FUCA1: variants seen among roughly 807,000 people sequenced by gnomAD.
FUCA1 encodes the protein tissue alpha-L-fucosidase.
In FUCA1, 52 loss-of-function variants were observed where a neutral mutation model predicts 56.8. The observed-to-expected ratio is 0.92, with a 90% CI of 0.73 to 1.15. The LOEUF is 1.15. Ranked by LOEUF, FUCA1 falls within the 50% of genes most tolerant of loss-of-function variation. The pLI is 0.00. For synonymous variants in FUCA1, 230 were observed against 226.6 expected, an observed-to-expected ratio of 1.02 and a Z score of -0.14; for missense variants, 568 against 592.6, an observed-to-expected ratio of 0.96 and a Z score of 0.43.
chr1:23,868,042 T>G lies in FUCA1; in HGVS notation c.245A>C (p.Gln82Pro), dbSNP rs1639662292. Residue 82 changes from glutamine to proline, a missense_variant, in exon 1 of 8, where the codon CAG (glutamine) becomes CCG (proline). Transcript: ENST00000374479. ...WGSEWFWWHW[Q>P]GEGRPQYQRF... ...CTGGTACTGCGGCCGCCCCTCGCCC[T>G]GCCAGTGCCACCAGAACCACTCGCT... The G allele has an allele frequency of 1.2e-6, 2 of 1,610,906 alleles. No individual in the cohort carries two copies. The highest frequency in any genetic ancestry group is 2.2e-5 in the South Asian group (2 of 90,770).
At position 23,846,060 on chromosome 1, in the gene FUCA1, C is replaced by T. The variant is rs777928698; in HGVS notation, c.1260+14G>A. 2.5e-6 allele frequency: 4 copies of T among 1,596,910 alleles called. No homozygotes were observed. The highest frequency in any genetic ancestry group is 2.7e-5 in the African/African-American group (2 of 74,500). On this transcript the variant is annotated intron_variant, in intron 7 of 7. Coordinates refer to ENST00000374479, the MANE Select transcript of FUCA1 (RefSeq NM_000147.5). ...ACAGAAAGTTACATCTTAAGACTGA[C>T]TAAGCCTCTTTACCTTTGTAGTTGA...
Position 23,848,738 on chromosome 1 carries a change from A to T in FUCA1, c.1071T>A (p.Ala357=). ...IVPIFQERLL[A]VGKWLSINGE... is the part of the protein sequence containing the mutation. Reference sequence around the variant, plus strand: ...CATTGATGCTCAGCCATTTCCCAACAGCAAGAAGCCTTTCTTGGAAGATGG... The same window carrying T: ...CATTGATGCTCAGCCATTTCCCAACTGCAAGAAGCCTTTCTTGGAAGATGG... The change falls in exon 6 of 8, where the codon GCT becomes GCA. Residue 357 remains alanine, a synonymous_variant. Transcript: ENST00000374479. 6.2e-7 allele frequency: 1 copy of T among 1,614,182 alleles called. No individual in the cohort carries two copies. Among genetic ancestry groups the T allele is most frequent in the Non-Finnish European group, 8.5e-7 (1 of 1,179,988 alleles).
At chr1:23,852,091 T>TAATAATAAC in intron 5 of FUCA1, among the ~76,000 whole-genome samples, 1 of 148,746 alleles carries the variant, frequency 6.7e-6, no homozygotes, top group African/African-American at 2.5e-5. Context: ...ATAATAATAA[T>TAATAATAAC]AATAATAATA....
chr1:23,858,073 CT>C (rs534845210), intron 4 of FUCA1, among the ~76,000 whole-genome samples: 2 of 150,376 alleles, frequency 1.3e-5, no homozygotes, highest in Non-Finnish European at 3.0e-5. Flanking sequence ...GACCCTTAGA[CT>C]TTTTTTTTGA....
At chr1:23,859,674 C>T in intron 4 of FUCA1, 124 bp downstream of exon 4, 1 of 693,526 alleles carries the variant, frequency 1.4e-6, no homozygotes, top group East Asian at 2.7e-5. Context: ...GTCCCAGTCC[C>T]TACTGCCCCC....
rs567122121 is a variant in FUCA1 at position 23,867,862 on chromosome 1, C to A, written c.389+36G>T. 1.1e-4 allele frequency: 161 copies of A among 1,528,310 alleles called. 1 individual carries two copies. In the Middle Eastern group the frequency reaches 1.7e-3, roughly 16 times the overall value. 94.7% of individuals were successfully genotyped at this position (1,528,310 alleles called of 1,614,324 possible). ...CCCCACCTCCTGTTTGCCGCCCGAG[C>A]CGGGAAGGGGCGCCGCTCCCCGGGA... On this transcript the variant is annotated intron_variant, in intron 1 of 7. Transcript: ENST00000374479. The surrounding 1 kb of genome is among the most constrained non-coding windows in gnomAD (Gnocchi z 4.9).
chr1:23,852,289 T>G (rs1639278238), intron 5 of FUCA1, among the ~76,000 whole-genome samples: 1 of 151,738 alleles, frequency 6.6e-6, no homozygotes, highest in Non-Finnish European at 1.5e-5. Context: ...GTTGTAGAGG[T>G]GCACACCTGT....
chr1:23,847,340 TTC>T (rs1277550181), intron 6 of FUCA1, among the ~76,000 whole-genome samples: 5 of 130,276 alleles, frequency 3.8e-5, no homozygotes, highest in Admixed American at 7.7e-5. Context: ...GTTCAGAGAT[TTC>T]TTTTTTTTTT....
intron 7 of FUCA1, 57 bp downstream of exon 7, chr1:23,846,017 G>A (rs1472563022): frequency 6.6e-7 from 1 of 1,508,620 alleles, no homozygotes; most frequent in African/African-American, 1.4e-5. Context: ...AAGAAAGGAA[G>A]GATCTGCCAA....
At chr1:23,851,043 T>A (rs1205342697) in intron 5 of FUCA1, among the ~76,000 whole-genome samples, 1 of 152,142 alleles carries the variant, frequency 6.6e-6, no homozygotes, top group African/African-American at 2.4e-5. Flanking sequence ...CCTCCTAAAG[T>A]GTTGGCATTA....
chr1:23,848,069 T>C (rs956726903), intron 6 of FUCA1, among the ~76,000 whole-genome samples: 2 of 152,028 alleles, frequency 1.3e-5, no homozygotes, highest in African/African-American at 2.4e-5. Context: ...GATTCAGTTA[T>C]AGCAACAGAA....
rs1270148646 is a variant in FUCA1, at chr1:23,852,343, C to A, written c.969+2017G>T. Among the ~76,000 whole-genome samples, 9 of 151,992 alleles carry A rather than the reference C, an allele frequency of 5.9e-5. No homozygotes were observed. The East Asian group carries it at 1.4e-3, about 23-fold the overall frequency. ...GGCTGAGGTGGGAGGACCACTTGAGCCCCAGGAGTTTGAGGTTACAGTGAG... is the reference window on the plus strand; with the variant it reads ...GGCTGAGGTGGGAGGACCACTTGAGACCCAGGAGTTTGAGGTTACAGTGAG... On this transcript the variant is annotated intron_variant, in intron 5 of 7. Coordinates refer to ENST00000374479, the MANE Select transcript of FUCA1 (RefSeq NM_000147.5).
intron 5 of FUCA1, among the ~76,000 whole-genome samples, chr1:23,852,377 G>A (rs1290640976): frequency 6.6e-6 from 1 of 151,772 alleles, no homozygotes; most frequent in Non-Finnish European, 1.5e-5. Context: ...AGGTATGATC[G>A]TGCCACTGCG....
At chr1:23,861,436 T>TAA (rs545344896) in intron 3 of FUCA1, among the ~76,000 whole-genome samples, 31 of 127,034 alleles carry the variant, frequency 2.4e-4, no homozygotes, top group African/African-American at 8.6e-4. Context: ...TAAAGTATAA[T>TAA]AAAAAAAAAA....
chr1:23,845,462 T>C lies in FUCA1; in HGVS notation c.*253A>G, dbSNP rs1012687703. On this transcript the variant is annotated 3_prime_UTR_variant, in exon 8 of 8. Coordinates refer to ENST00000374479, the MANE Select transcript of FUCA1 (RefSeq NM_000147.5). ...TGTAGATAATTTCCAAATATTACAA[T>C]TGATGAACTCAGAGTTCAACTGCTC... 125 of 537,498 alleles carry C rather than the reference T, an allele frequency of 2.3e-4. 2 individuals carry two copies. The South Asian group carries it at 2.5e-3, about 11-fold the overall frequency. 33.3% of individuals were successfully genotyped at this position (537,498 alleles called of 1,614,324 possible). A position where few individuals can be genotyped will look rare whatever the true frequency, so the allele number is the denominator to read the frequency against.
chr1:23,864,541 C>T (rs1258814353), intron 2 of FUCA1, among the ~76,000 whole-genome samples: 1 of 152,098 alleles, frequency 6.6e-6, no homozygotes, highest in African/African-American at 2.4e-5. Flanking sequence ...TGAAGTATTT[C>T]ATCATATGAC....
intron 4 of FUCA1, among the ~76,000 whole-genome samples, chr1:23,855,545 C>G (rs774907706): frequency 1.4e-4 from 22 of 152,178 alleles, no homozygotes; most frequent in Admixed American, 4.6e-4. Flanking sequence ...CAATTCATCA[C>G]GGCAAAAAGA....
intron 3 of FUCA1, 78 bp from the exon 4 acceptor site, chr1:23,859,981 T>TA (rs984452469): frequency 1.4e-5 from 13 of 917,268 alleles, no homozygotes; most frequent in South Asian, 1.1e-4. Flanking sequence ...TTTTTTTTTT[T>TA]AGAGATGGGG....
chr1:23,867,853 C>T lies in FUCA1; in HGVS notation c.389+45G>A. 1.3e-6 allele frequency: 2 copies of T among 1,520,276 alleles called. No individual in the cohort carries two copies. Among genetic ancestry groups the T allele is most frequent in the Non-Finnish European group, 8.8e-7 (1 of 1,137,620 alleles). 94.2% of individuals were successfully genotyped at this position (1,520,276 alleles called of 1,614,324 possible). On this transcript the variant is annotated intron_variant, in intron 1 of 7. Coordinates refer to ENST00000374479, the MANE Select transcript of FUCA1 (RefSeq NM_000147.5). The surrounding 1 kb of genome is among the most constrained non-coding windows in gnomAD (Gnocchi z 4.9). ...GCCGCCCAGCCCCACCTCCTGTTTG[C>T]CGCCCGAGCCGGGAAGGGGCGCCGC...
Sources: allele counts gnomAD v4.1 joint callset (sites outside exome capture counted in the v4.1 genomes callset), GRCh38; gene constraint gnomAD v4.1.1; non-coding constraint Gnocchi (gnomAD v3.1); transcripts MANE v1.5; gene names NCBI Gene and HGNC (gene_info 2026-07-23, HGNC 2026-07-21).